The following ZFYVE9 variants were observed in gnomAD, a reference collection of about 807,000 sequenced individuals.
ZFYVE9 encodes the protein zinc finger FYVE domain-containing protein 9.
ZFYVE9 carries 43 observed loss-of-function variants against 126.7 expected under a neutral mutation model. That is an observed-to-expected ratio of 0.34 (90% confidence interval 0.27 to 0.44). ZFYVE9 has a LOEUF of 0.44. Among genes scored for constraint, ZFYVE9 ranks in the 20% least tolerant of loss-of-function variants. The pLI is 1.00. For missense variants in ZFYVE9, 1,476 were observed against 1,697.0 expected (o/e 0.87, Z 2.29); for synonymous variants, 521 against 597.4 (o/e 0.87, Z 1.87).
intron 12 of ZFYVE9, among the ~76,000 whole-genome samples, chr1:52,299,349 A>G (rs904103121): frequency 5.3e-5 from 8 of 152,184 alleles, no homozygotes; most frequent in Non-Finnish European, 1.0e-4. Flanking sequence ...GTATAGGGTC[A>G]TGTCATTTGC....
intron 1 of ZFYVE9, among the ~76,000 whole-genome samples, chr1:52,177,147 G>T (rs1417925040): frequency 6.7e-6 from 1 of 149,204 alleles, no homozygotes; most frequent in Middle Eastern, 3.4e-3. Context: ...TCCCCAGCCC[G>T]ATTTTTTTTT....
intron 9 of ZFYVE9, 120 bp downstream of exon 9, chr1:52,278,734 T>A: frequency 1.3e-6 from 1 of 753,930 alleles, no homozygotes; most frequent in East Asian, 3.2e-5. Flanking sequence ...TTTTTTTCTT[T>A]TTTTTTTTTT....
chr1:52,284,788 AAAC>A (rs1340399894), intron 10 of ZFYVE9, among the ~76,000 whole-genome samples: 1 of 152,184 alleles, frequency 6.6e-6, no homozygotes, highest in African/African-American at 2.4e-5. Context: ...AAAAATTTTG[AAAC>A]AACAAAAATA....
At chr1:52,230,348 A>G (rs140264496) in intron 2 of ZFYVE9, among the ~76,000 whole-genome samples, 2 of 152,122 alleles carry the variant, frequency 1.3e-5, no homozygotes, top group Non-Finnish European at 2.9e-5. Flanking sequence ...CCCAGTGTGC[A>G]GTGCGCAGGT....
intron 1 of ZFYVE9, among the ~76,000 whole-genome samples, chr1:52,183,218 A>G (rs1475380850): frequency 6.6e-6 from 1 of 152,240 alleles, no homozygotes; most frequent in Non-Finnish European, 1.5e-5. Context: ...TTGAAAAGAC[A>G]GAGGACACAG....
chr1:52,157,359 A>G (rs1404781012), intron 1 of ZFYVE9, among the ~76,000 whole-genome samples: 2 of 110,816 alleles, frequency 1.8e-5, no homozygotes, highest in East Asian at 2.7e-4. Flanking sequence ...GATTTTGACT[A>G]TCTGTCTGTT....
intron 13 of ZFYVE9, among the ~76,000 whole-genome samples, chr1:52,328,805 T>C (rs1387758221): frequency 6.6e-6 from 1 of 152,236 alleles, no homozygotes; most frequent in African/African-American, 2.4e-5. Flanking sequence ...TACAGAAGAA[T>C]TATTTCAAAG....
intron 1 of ZFYVE9, among the ~76,000 whole-genome samples, chr1:52,176,532 G>T (rs2124532465): frequency 6.6e-6 from 1 of 152,314 alleles, no homozygotes; most frequent in Non-Finnish European, 1.5e-5. Context: ...CTGTCAGACA[G>T]GGACATTTAA....
chr1:52,202,529 C>T (rs1644933379), intron 1 of ZFYVE9, among the ~76,000 whole-genome samples: 1 of 151,686 alleles, frequency 6.6e-6, no homozygotes, highest in Admixed American at 6.6e-5. Flanking sequence ...GATCCACCTG[C>T]CTCAGCCTCC....
At chr1:52,172,915 G>T (rs1440714173) in intron 1 of ZFYVE9, among the ~76,000 whole-genome samples, 2 of 152,004 alleles carry the variant, frequency 1.3e-5, no homozygotes, top group African/African-American at 2.4e-5. Context: ...AGACAATGGG[G>T]TTTTCTAGAT....
intron 18 of ZFYVE9, 153 bp from the exon 19 acceptor site, chr1:52,345,907 C>T: frequency 1.4e-6 from 1 of 721,892 alleles, no homozygotes; most frequent in Non-Finnish European, 2.1e-6. Context: ...GATAAGTGAT[C>T]ACCCAGAAAA....
chr1:52,288,136 T>TA, intron 10 of ZFYVE9, among the ~76,000 whole-genome samples: 1 of 152,352 alleles, frequency 6.6e-6, no homozygotes, highest in East Asian at 1.9e-4. Flanking sequence ...TTCATACTGT[T>TA]ACTGTTTCTA....
chr1:52,281,226 G>A (rs1569662133), intron 9 of ZFYVE9, among the ~76,000 whole-genome samples: 2 of 149,630 alleles, frequency 1.3e-5, no homozygotes, highest in Non-Finnish European at 3.0e-5. Flanking sequence ...TCCACCTCCC[G>A]GGTTCACGCC....
At chr1:52,307,418 A>G (rs904209877) in intron 13 of ZFYVE9, among the ~76,000 whole-genome samples, 1 of 151,868 alleles carries the variant, frequency 6.6e-6, no homozygotes. Flanking sequence ...TGTATTTTTA[A>G]TAGAGACAGG....
intron 13 of ZFYVE9, among the ~76,000 whole-genome samples, chr1:52,320,922 A>G (rs1646233561): frequency 6.6e-6 from 1 of 152,186 alleles, no homozygotes; most frequent in Non-Finnish European, 1.5e-5. Context: ...TAGACGTTCA[A>G]ACTTTGATCA....
chr1:52,237,596 CAGT>C lies in ZFYVE9; in HGVS notation c.180_182del (p.Val61del). Reference sequence around the variant, plus strand: ...ACTTTGGCCAGTGTGAATGAATCTGCAGTTTCTAATGAGTCACAACCACAACTG... The same window carrying C: ...ACTTTGGCCAGTGTGAATGAATCTGCTTCTAATGAGTCACAACCACAACTG... On this transcript the variant is annotated inframe_deletion, in exon 4 of 19. Transcript: ENST00000287727. The C allele has an allele frequency of 6.2e-7, 1 of 1,614,072 alleles. No individual in the cohort carries two copies. The highest frequency in any genetic ancestry group is 1.1e-5 in the South Asian group (1 of 91,072).
intron 17 of ZFYVE9, among the ~76,000 whole-genome samples, chr1:52,342,581 G>A (rs1266890095): frequency 2.1e-5 from 3 of 144,756 alleles, no homozygotes; most frequent in Non-Finnish European, 3.0e-5. Flanking sequence ...TGTCACCCAG[G>A]CTGGATTGCA....
At chr1:52,272,646 G>A (rs1645703857) in intron 7 of ZFYVE9, among the ~76,000 whole-genome samples, 1 of 148,980 alleles carries the variant, frequency 6.7e-6, no homozygotes, top group South Asian at 2.1e-4. Context: ...TGGCTATTAT[G>A]AATGAAATGA....
At position 52,185,166 on chromosome 1, in the gene ZFYVE9, C is replaced by T. The variant is rs186430782; in HGVS notation, c.-142-31203C>T. Among the ~76,000 whole-genome samples the T allele has an allele frequency of 3.3e-5, 5 of 152,272 alleles. No homozygotes were observed. In the East Asian group the frequency reaches 9.7e-4, roughly 29 times the overall value. Reference sequence around the variant, plus strand: ...TATGCTTTTCTTAAGAGGTGTTCAACAATTTAATACCTACTAGTTCAGCTT... The same window carrying T: ...TATGCTTTTCTTAAGAGGTGTTCAATAATTTAATACCTACTAGTTCAGCTT... On this transcript the variant is annotated intron_variant, in intron 1 of 18. Coordinates refer to ENST00000287727, the MANE Select transcript of ZFYVE9 (RefSeq NM_004799.4).
Sources: gnomAD v4.1 joint callset for allele counts (sites outside exome capture counted in the v4.1 genomes callset) on GRCh38, gnomAD v4.1.1 for gene constraint, MANE v1.5 for transcripts, NCBI Gene and HGNC (gene_info 2026-07-23, HGNC 2026-07-21) for gene names.